ARHGAP10: variants seen among roughly 807,000 people sequenced by gnomAD.
The protein encoded by ARHGAP10 is rho GTPase-activating protein 10.
A neutral mutation model predicts 108.6 loss-of-function variants in ARHGAP10; 87 were observed. The ratio of observed to expected loss-of-function variants is 0.80; its 90% confidence interval spans 0.67 to 0.96. ARHGAP10 has a LOEUF of 0.96. Ranked by LOEUF, ARHGAP10 falls within the 40% of genes least tolerant of loss-of-function variation. The pLI is 0.00. For synonymous variants in ARHGAP10, 347 were observed against 341.1 expected (o/e 1.02, Z -0.19); for missense variants, 939 against 954.5 (o/e 0.98, Z 0.21).
chr4:147,850,587 AC>A (rs1733838252), intron 4 of ARHGAP10, among the ~76,000 whole-genome samples: 1 of 152,144 alleles, frequency 6.6e-6, no homozygotes, highest in Non-Finnish European at 1.5e-5. Flanking sequence ...CCACGAACCC[AC>A]CAGAAGGAAG....
chr4:147,995,068 A>G (rs1198768672), intron 18 of ARHGAP10, among the ~76,000 whole-genome samples: 2 of 152,178 alleles, frequency 1.3e-5, no homozygotes, highest in African/African-American at 2.4e-5. Context: ...TTGGAAGTCT[A>G]TGTGTTTTTA....
intron 18 of ARHGAP10, among the ~76,000 whole-genome samples, chr4:147,969,495 G>A (rs944934326): frequency 1.3e-5 from 2 of 152,090 alleles, no homozygotes; most frequent in South Asian, 4.1e-4. Context: ...CAAGCTTTGA[G>A]ACAATGTTAC....
intron 16 of ARHGAP10, among the ~76,000 whole-genome samples, chr4:147,955,764 T>G (rs562582957): frequency 6.6e-6 from 1 of 152,142 alleles, no homozygotes; most frequent in East Asian, 1.9e-4. Flanking sequence ...ATGAACAGAT[T>G]TGGAGAGATT....
At chr4:147,791,312 A>G (rs1456049605) in intron 1 of ARHGAP10, among the ~76,000 whole-genome samples, 8 of 151,564 alleles carry the variant, frequency 5.3e-5, no homozygotes, top group East Asian at 2.0e-4. Context: ...GGGTTTTGCT[A>G]TGTTGGCCAG....
chr4:148,017,680 A>ATATATATATATATATATATGAG lies in ARHGAP10; in HGVS notation c.1717-5580_1717-5579insATATATATATATATATGAGTAT, dbSNP rs11281620. Reference sequence around the variant, plus strand: ...TATATATATATATATATATATATATATATGTGTGTGTATGTAAAGGAATTC... The same window carrying ATATATATATATATATATATGAG: ...TATATATATATATATATATATATATATATATATATATATATATATGAGTATGTGTGTGTATGTAAAGGAATTC... On this transcript the variant is annotated intron_variant, in intron 18 of 22. Coordinates refer to ENST00000336498, the MANE Select transcript of ARHGAP10 (RefSeq NM_024605.4). Among the ~76,000 whole-genome samples, 94 of 141,426 alleles carry ATATATATATATATATATATGAG rather than the reference A, an allele frequency of 6.6e-4. 3 individuals carry two copies. The highest frequency in any genetic ancestry group is 2.5e-3 in the African/African-American group (91 of 36,560). 92.8% of individuals were successfully genotyped at this position (141,426 alleles called of 152,430 possible).
chr4:147,900,769 A>AT (rs1411289932), intron 10 of ARHGAP10, among the ~76,000 whole-genome samples: 1 of 151,966 alleles, frequency 6.6e-6, no homozygotes, highest in African/African-American at 2.4e-5. Flanking sequence ...TGTGATTGCT[A>AT]TTTTTTCCCT....
intron 18 of ARHGAP10, among the ~76,000 whole-genome samples, chr4:148,022,141 C>T (rs1390370915): frequency 1.3e-5 from 2 of 152,134 alleles, no homozygotes; most frequent in African/African-American, 2.4e-5. Flanking sequence ...GACATTCTCA[C>T]AGTGCTTTTT....
At chr4:147,926,836 G>A (rs1737480384) in intron 13 of ARHGAP10, among the ~76,000 whole-genome samples, 1 of 152,182 alleles carries the variant, frequency 6.6e-6, no homozygotes, top group African/African-American at 2.4e-5. Flanking sequence ...AGAAAGGTCA[G>A]GTTGGTGGAG....
At chr4:147,990,551 T>C (rs186399755) in intron 18 of ARHGAP10, among the ~76,000 whole-genome samples, 5 of 152,244 alleles carry the variant, frequency 3.3e-5, no homozygotes, top group East Asian at 1.9e-4. Context: ...CAAATGCCCA[T>C]GAGTGGTAGA....
rs574645173 is a variant in ARHGAP10, at chr4:148,046,981, G to C, written c.1957G>C (p.Gly653Arg). The C allele has an allele frequency of 1.2e-6, 2 of 1,614,110 alleles. No individual in the cohort carries two copies. The highest frequency in any genetic ancestry group is 2.2e-5 in the South Asian group (2 of 91,062). ...GTCTCCCGTGACTACAGCTGTCCCT[G>C]GGCCTCCTGGACCAGACAAAAACCA... Reference protein sequence around the residue: ...SPSPVTTAVPGPPGPDKNHLL... With the variant: ...SPSPVTTAVPRPPGPDKNHLL... The change falls in exon 20 of 23, where the codon GGG becomes CGG. Residue 653 changes from glycine (G) to arginine (R), a missense_variant. Transcript: ENST00000336498.
intron 10 of ARHGAP10, among the ~76,000 whole-genome samples, chr4:147,892,940 G>A (rs1735843391): frequency 6.6e-6 from 1 of 152,198 alleles, no homozygotes; most frequent in Admixed American, 6.5e-5. Flanking sequence ...CACAGGGCAG[G>A]CTTCTGCAAC....
At chr4:148,071,636 A>G (rs1730184380) in intron 22 of ARHGAP10, among the ~76,000 whole-genome samples, 1 of 105,308 alleles carries the variant, frequency 9.5e-6, no homozygotes, top group African/African-American at 2.8e-5. Flanking sequence ...CAAACAAACA[A>G]ACAAAAAAAA....
At chr4:147,906,558 G>T in intron 10 of ARHGAP10, 80 bp from the exon 11 acceptor site, 5 of 1,378,370 alleles carry the variant, frequency 3.6e-6, no homozygotes, top group Admixed American at 1.9e-5. Context: ...AAAAAAAAAT[G>T]GTTACAACAG....
chr4:148,027,954 A>T (rs182414265), intron 19 of ARHGAP10, among the ~76,000 whole-genome samples: 6 of 152,128 alleles, frequency 3.9e-5, no homozygotes, highest in Admixed American at 3.9e-4. Flanking sequence ...TGAAAATCAG[A>T]ATTATACTGC....
intron 1 of ARHGAP10, among the ~76,000 whole-genome samples, chr4:147,758,405 A>G (rs1729464208): frequency 6.6e-6 from 1 of 152,230 alleles, no homozygotes; most frequent in South Asian, 2.1e-4. Context: ...AAAATGTATA[A>G]TCAATGGCTT....
At chr4:147,814,907 A>C (rs1018162363) in intron 1 of ARHGAP10, among the ~76,000 whole-genome samples, 5 of 152,164 alleles carry the variant, frequency 3.3e-5, no homozygotes, top group Admixed American at 6.5e-5. Flanking sequence ...TCAGTATATA[A>C]ATTTGGGGAG....
At chr4:147,986,336 A>G (rs1740044991) in intron 18 of ARHGAP10, among the ~76,000 whole-genome samples, 1 of 152,178 alleles carries the variant, frequency 6.6e-6, no homozygotes, top group Non-Finnish European at 1.5e-5. Context: ...AAAATGGCCA[A>G]ACTGGGATTT....
intron 1 of ARHGAP10, among the ~76,000 whole-genome samples, chr4:147,801,572 T>C (rs1216934615): frequency 6.6e-6 from 1 of 152,266 alleles, no homozygotes; most frequent in East Asian, 1.9e-4. Flanking sequence ...ACATACCGTC[T>C]GTTTTTTACT....
At chr4:147,782,212 T>G (rs1386936822) in intron 1 of ARHGAP10, among the ~76,000 whole-genome samples, 1 of 152,192 alleles carries the variant, frequency 6.6e-6, no homozygotes, top group African/African-American at 2.4e-5. Flanking sequence ...ATACAAATAC[T>G]TGACTCTGAA....
Sources: gnomAD v4.1 joint callset for allele counts (sites outside exome capture counted in the v4.1 genomes callset) on GRCh38, gnomAD v4.1.1 for gene constraint, MANE v1.5 for transcripts, NCBI Gene and HGNC (gene_info 2026-07-23, HGNC 2026-07-21) for gene names.